Variants in CDK18 observed in about 807,000 individuals in gnomAD.
CDK18 encodes cyclin dependent kinase 18.
In CDK18, 52 loss-of-function variants were observed where a neutral mutation model predicts 62.0. The ratio of observed to expected loss-of-function variants is 0.84; its 90% confidence interval spans 0.67 to 1.06. CDK18 has a LOEUF of 1.06. CDK18 is among the 50% of genes least tolerant of loss of function. The probability of loss-of-function intolerance (pLI) is 0.00; values close to 1 mark genes in which losing one functional copy is unlikely to be tolerated. For synonymous variants in CDK18, 237 were observed against 247.0 expected (o/e 0.96, Z 0.38); for missense variants, 604 against 619.9 (o/e 0.97, Z 0.27).
chr1:205,506,395 A>G (rs1667307231), intron 1 of CDK18, among the ~76,000 whole-genome samples: 2 of 151,654 alleles, frequency 1.3e-5, no homozygotes, highest in South Asian at 2.1e-4. Flanking sequence ...CTGGGTCCCC[A>G]GGACTCTCCC....
chr1:205,505,712 G>A (rs1004674969), intron 1 of CDK18, among the ~76,000 whole-genome samples: 1 of 152,182 alleles, frequency 6.6e-6, no homozygotes, highest in African/African-American at 2.4e-5. Flanking sequence ...TGCTGGGTGG[G>A]AGTTGGGCTG....
chr1:205,531,577 A>G lies in CDK18; in HGVS notation c.*199A>G, dbSNP rs569025944. 3 of 603,164 alleles carry G rather than the reference A, an allele frequency of 5.0e-6. No homozygotes were observed. The African/African-American group carries it at 5.6e-5, about 11-fold the overall frequency. 37.4% of individuals were successfully genotyped at this position (603,164 alleles called of 1,614,324 possible). On this transcript the variant is annotated 3_prime_UTR_variant, in exon 16 of 16. Transcript: ENST00000429964. ...TGCCTCCCCAGTAGCCCTCACCTGC[A>G]TACCAACCCCTCCTTTACCCACGTT... is the stretch of plus-strand genomic sequence containing the variant.
rs1285480017 is a variant in CDK18, at chr1:205,529,073, T to G, written c.1049T>G (p.Leu350Arg). 7.5e-6 allele frequency: 12 copies of G among 1,590,168 alleles called. No individual in the cohort carries two copies. Among genetic ancestry groups the G allele is most frequent in the African/African-American group, 1.3e-5 (1 of 74,640 alleles). Residue 350 changes from leucine to arginine, a missense_variant, in exon 11 of 16, where the codon CTG becomes CGG. Coordinates refer to ENST00000429964, the MANE Select transcript of CDK18 (RefSeq NM_212502.3). ...CCGGGCTCCACAGTCAAGGAGGAGC[T>G]GCACCTCATCTTTCGCCTCCTCGGT... ...LFPGSTVKEE[L>R]HLIFRLLGTP...
At chr1:205,524,464 T>C in intron 4 of CDK18, 107 bp downstream of exon 4, 1 of 1,345,176 alleles carries the variant, frequency 7.4e-7, no homozygotes, top group Non-Finnish European at 1.0e-6. Context: ...GGAAGATTCC[T>C]GGGCCTCTGG....
chr1:205,519,938 G>A (rs1558774632), intron 1 of CDK18, among the ~76,000 whole-genome samples: 2 of 152,166 alleles, frequency 1.3e-5, no homozygotes, highest in Admixed American at 6.5e-5. Context: ...ACTGCAGGAC[G>A]GTTTTATGGG....
At chr1:205,508,775 T>G (rs1667428761) in intron 1 of CDK18, among the ~76,000 whole-genome samples, 1 of 151,020 alleles carries the variant, frequency 6.6e-6, no homozygotes, top group Non-Finnish European at 1.5e-5. Flanking sequence ...GCCTAGGAGG[T>G]TGAGGCTGCA....
chr1:205,512,323 C>CTTACTT (rs1667602590), intron 1 of CDK18, among the ~76,000 whole-genome samples: 1 of 152,148 alleles, frequency 6.6e-6, no homozygotes, highest in African/African-American at 2.4e-5. Context: ...GTCCACCAGA[C>CTTACTT]CCGGGAGGAA....
Position 205,529,069 on chromosome 1 carries a change from G to GA in CDK18, c.1046dup (p.Leu350AlafsTer24), listed in dbSNP as rs1668590172. 6.3e-7 allele frequency: 1 copy of GA among 1,592,060 alleles called. No individual in the cohort carries two copies. The highest frequency in any genetic ancestry group is 1.8e-5 in the Admixed American group (1 of 56,782). On this transcript the variant is annotated frameshift_variant, in exon 11 of 16. Coordinates refer to ENST00000429964, the MANE Select transcript of CDK18 (RefSeq NM_212502.3). LOFTEE classifies it high-confidence loss of function. ...CTTCCCGGGCTCCACAGTCAAGGAGGAGCTGCACCTCATCTTTCGCCTCCT... is the reference window on the plus strand; with the variant it reads ...CTTCCCGGGCTCCACAGTCAAGGAGGAAGCTGCACCTCATCTTTCGCCTCCT...
At chr1:205,524,390 G>A (rs753158270) in intron 4 of CDK18, 33 bp downstream of exon 4, 4 of 1,613,050 alleles carry the variant, frequency 2.5e-6, no homozygotes, top group Middle Eastern at 1.7e-4. Context: ...GACACAAGGT[G>A]GGGTGATATG....
At chr1:205,507,644 A>T (rs888982340) in intron 1 of CDK18, among the ~76,000 whole-genome samples, 4 of 150,992 alleles carry the variant, frequency 2.6e-5, no homozygotes, top group African/African-American at 7.3e-5. Flanking sequence ...AAAAAAAAAA[A>T]AAAAAAAAAA....
At chr1:205,512,672 C>T (rs1028974631) in intron 1 of CDK18, among the ~76,000 whole-genome samples, 1 of 152,082 alleles carries the variant, frequency 6.6e-6, no homozygotes, top group Non-Finnish European at 1.5e-5. Flanking sequence ...GAGTTCTTGG[C>T]GGTGACATGA....
Position 205,530,121 on chromosome 1 carries a change from C to T in CDK18, c.1222-138C>T, listed in dbSNP as rs1409895234. 2.0e-6 allele frequency: 3 copies of T among 1,486,600 alleles called. No individual in the cohort carries two copies. In the African/African-American group the frequency reaches 4.1e-5, roughly 20 times the overall value. 92.1% of individuals were successfully genotyped at this position (1,486,600 alleles called of 1,614,324 possible). On this transcript the variant is annotated intron_variant, in intron 13 of 15. Coordinates refer to ENST00000429964, the MANE Select transcript of CDK18 (RefSeq NM_212502.3). ...CCTGAGGTTGGGTTTGTGGTAGGGG[C>T]TGGAGGCTGACCTGGGGCTTCTCCT...
Position 205,517,338 on chromosome 1 carries a change from C to G in CDK18, c.-21-5809C>G, listed in dbSNP as rs1667872220. Among the ~76,000 whole-genome samples, 1 of 152,178 alleles carries G rather than the reference C, an allele frequency of 6.6e-6. No individual in the cohort carries two copies. Among genetic ancestry groups the G allele is most frequent in the Non-Finnish European group, 1.5e-5 (1 of 68,024 alleles). On this transcript the variant is annotated intron_variant, in intron 1 of 15. Transcript: ENST00000429964. This position sits in a 1 kb window ranked among gnomAD's most constrained non-coding sequence, Gnocchi z 4.1. ...CCTGGCCCTCTTCCATCCTGGGATC[C>G]AAAAGCACCTTGCAATAAGGAAGTC...
In CDK18 at chr1:205,527,693, G is replaced by GCTGACCTCACTGCCAAGCC; in HGVS notation, c.730-99_730-81dup. The GCTGACCTCACTGCCAAGCC allele has an allele frequency of 8.9e-7, 1 of 1,125,342 alleles. No homozygotes were observed. 69.7% of individuals were successfully genotyped at this position (1,125,342 alleles called of 1,614,324 possible). A position where few individuals can be genotyped will look rare whatever the true frequency, so the allele number is the denominator to read the frequency against. On this transcript the variant is annotated intron_variant, in intron 8 of 15. Coordinates refer to ENST00000429964, the MANE Select transcript of CDK18 (RefSeq NM_212502.3). The surrounding 1 kb of genome is among the most constrained non-coding windows in gnomAD (Gnocchi z 4.1). ...GTGTGCAGGAGAATGAGGGGCTTGT[G>GCTGACCTCACTGCCAAGCC]CTGACCTCACTGCCAAGCCCCTGCC...
intron 1 of CDK18, among the ~76,000 whole-genome samples, chr1:205,514,203 A>G (rs922924476): frequency 4.6e-5 from 7 of 152,242 alleles, no homozygotes; most frequent in Non-Finnish European, 1.0e-4. Flanking sequence ...AAGAGGGACC[A>G]TCACCTGGCT....
At chr1:205,529,172 C>A in intron 11 of CDK18, 76 bp downstream of exon 11, 3 of 1,400,376 alleles carry the variant, frequency 2.1e-6, no homozygotes, top group Admixed American at 2.0e-5. Flanking sequence ...CGGAGCGGGA[C>A]GGGGAGGAGC....
chr1:205,528,165 T>A lies in CDK18; in HGVS notation c.971T>A (p.Met324Lys). The change falls in exon 10 of 16, where the codon ATG (methionine) becomes AAG (lysine). Residue 324 changes from methionine to lysine, a missense_variant. Met to Lys is a moderately conservative substitution (Grantham distance 95). Coordinates refer to ENST00000429964, the MANE Select transcript of CDK18 (RefSeq NM_212502.3). The surrounding 1 kb of genome is among the most constrained non-coding windows in gnomAD (Gnocchi z 4.2). Reference sequence around the variant, plus strand: ...ACAGAGTACTCCACCCCCATTGATATGTGGTGAGTGAGCACTGTGGGGACC... The same window carrying A: ...ACAGAGTACTCCACCCCCATTGATAAGTGGTGAGTGAGCACTGTGGGGACC... ...GSTEYSTPID[M>K]WGVGCIHYEM... is the part of the protein sequence containing the mutation. The A allele has an allele frequency of 6.2e-7, 1 of 1,613,494 alleles. No homozygotes were observed. Among genetic ancestry groups the A allele is most frequent in the Non-Finnish European group, 8.5e-7 (1 of 1,179,946 alleles).
chr1:205,530,764 C>T, intron 15 of CDK18, 59 bp downstream of exon 15: 1 of 1,436,460 alleles, frequency 7.0e-7, no homozygotes, highest in South Asian at 1.2e-5. Flanking sequence ...GAGCAGGCGA[C>T]CCCTCCCCAG....
At position 205,531,370 on chromosome 1, in the gene CDK18, A is replaced by G; in HGVS notation, c.1417A>G (p.Ile473Val). The part of the protein sequence containing the change: ...PGRGKNRRQS[I>V]F Reference sequence around the variant, plus strand: ...ACGAGGGAAGAACAGGCGGCAGAGCATCTTCTGAGCCACGCCCACCTTGCT... The same window carrying G: ...ACGAGGGAAGAACAGGCGGCAGAGCGTCTTCTGAGCCACGCCCACCTTGCT... Residue 473 changes from isoleucine (I) to valine (V), a missense_variant, in exon 16 of 16, where the codon ATC (isoleucine) becomes GTC (valine). Ile to Val is a conservative substitution (Grantham distance 29, BLOSUM62 3). Transcript: ENST00000429964. The G allele has an allele frequency of 6.2e-7, 1 of 1,614,138 alleles. No homozygotes were observed. The highest frequency in any genetic ancestry group is 8.5e-7 in the Non-Finnish European group (1 of 1,179,984).
Sources: allele counts gnomAD v4.1 joint callset (sites outside exome capture counted in the v4.1 genomes callset), GRCh38; gene constraint gnomAD v4.1.1; non-coding constraint Gnocchi (gnomAD v3.1); transcripts MANE v1.5; gene names NCBI Gene and HGNC (gene_info 2026-07-23, HGNC 2026-07-21).